Variants in NIPSNAP3B observed in about 807,000 individuals in gnomAD.
NIPSNAP3B encodes nipsnap homolog 3B.
A neutral mutation model predicts 31.5 loss-of-function variants in NIPSNAP3B; 30 were observed. That is an observed-to-expected ratio of 0.95 (90% CI 0.71 to 1.29). The LOEUF is 1.29. Among genes scored for constraint, NIPSNAP3B ranks in the 50% most tolerant of loss-of-function variants. The pLI, the probability that NIPSNAP3B is intolerant of heterozygous loss-of-function variation, is 0.00. For synonymous variants in NIPSNAP3B, 106 were observed against 107.9 expected (o/e 0.98, Z 0.11); for missense variants, 269 against 300.7 (o/e 0.89, Z 0.78).
chr9:104,778,874 T>C (rs572390806), downstream of NIPSNAP3B, among the ~76,000 whole-genome samples: 1 of 152,314 alleles, frequency 6.6e-6, no homozygotes, highest in South Asian at 2.1e-4. Flanking sequence ...CAGTGGCTCC[T>C]TGTTGCACTA....
Position 104,776,819 on chromosome 9 carries a change from T to C in NIPSNAP3B, c.*3746T>C, listed in dbSNP as rs1376422778. Among the ~76,000 whole-genome samples, 1 of 152,246 alleles carries C rather than the reference T, an allele frequency of 6.6e-6. No individual in the cohort carries two copies. The highest frequency in any genetic ancestry group is 1.5e-5 in the Non-Finnish European group (1 of 68,044). ...GTTTTTGTTTTCATTATTGTCATATTACCTGTGCCTGGCATGTGATAAGCC... is the reference window on the plus strand; with the variant it reads ...GTTTTTGTTTTCATTATTGTCATATCACCTGTGCCTGGCATGTGATAAGCC... On this transcript the variant is annotated 3_prime_UTR_variant, in exon 6 of 6. Transcript: ENST00000374762.
rs1461184283 is a variant in NIPSNAP3B, at chr9:104,772,870, G to A, written c.629G>A (p.Arg210Lys). The change falls in exon 5 of 6, where the codon AGA (arginine) becomes AAA (lysine). Residue 210 changes from arginine (R) to lysine (K), a missense_variant. Physicochemically the swap from Arg to Lys is conservative, Grantham distance 26. Transcript: ENST00000374762. ...AGTGCAGATAGTCGTGCAGCTGGGA[G>A]ACATAAGTCCCATGAGGATCCCAGA... ...NESADSRAAG[R>K]HKSHEDPRVV... The A allele has an allele frequency of 2.5e-6, 4 of 1,613,686 alleles. No individual in the cohort carries two copies. The highest frequency in any genetic ancestry group is 2.2e-5 in the South Asian group (2 of 90,998).
chr9:104,776,231 C>G lies in NIPSNAP3B; in HGVS notation c.*3158C>G, dbSNP rs1054843052. Among the ~76,000 whole-genome samples the G allele has an allele frequency of 1.3e-5, 2 of 152,174 alleles. No homozygotes were observed. Among genetic ancestry groups the G allele is most frequent in the Non-Finnish European group, 2.9e-5 (2 of 68,036 alleles). On this transcript the variant is annotated 3_prime_UTR_variant, in exon 6 of 6. Transcript: ENST00000374762. ...ACATGCTCTTACCTGAGGGTCCATT[C>G]CCACTGCCTCTGCCTGGAATGCTCT...
chr9:104,772,644 A>AACTT (rs1405658962), intron 4 of NIPSNAP3B, among the ~76,000 whole-genome samples, 178 bp from the exon 5 acceptor site: 3 of 152,150 alleles, frequency 2.0e-5, no homozygotes, highest in Non-Finnish European at 4.4e-5. Context: ...TTTCCAGTTT[A>AACTT]ACTTATAAAT....
intron 4 of NIPSNAP3B, 46 bp downstream of exon 4, chr9:104,771,044 C>A (rs200326085): frequency 6.6e-7 from 1 of 1,516,820 alleles, no homozygotes; most frequent in African/African-American, 1.4e-5. Flanking sequence ...TGTATTAGAT[C>A]AGTTCGTCTC....
chr9:104,775,829 C>G lies in NIPSNAP3B; in HGVS notation c.*2756C>G, dbSNP rs1828324182. ...GACTTCAGAGTCATTCTCACACTGC[C>G]TTTTCTCTCATACACCATTATGTAC... is the stretch of plus-strand genomic sequence containing the variant. On this transcript the variant is annotated 3_prime_UTR_variant, in exon 6 of 6. Coordinates refer to ENST00000374762, the MANE Select transcript of NIPSNAP3B (RefSeq NM_018376.4). Among the ~76,000 whole-genome samples the G allele has an allele frequency of 6.6e-6, 1 of 152,166 alleles. No homozygotes were observed. The highest frequency in any genetic ancestry group is 1.9e-4 in the East Asian group (1 of 5,192).
chr9:104,790,380 T>A, the NIPSNAP3B span, among the ~76,000 whole-genome samples: 1 of 152,196 alleles, frequency 6.6e-6, no homozygotes, highest in Non-Finnish European at 1.5e-5. Flanking sequence ...ATAAGGAATT[T>A]ATTAAATAAA....
chr9:104,785,969 T>A, the NIPSNAP3B span, among the ~76,000 whole-genome samples: 15,019 of 152,164 alleles, frequency 0.099, 987 homozygotes, highest in East Asian at 0.26. Context: ...GCAAACCCAT[T>A]TGTGTTTGAC....
chr9:104,783,975 A>C, the NIPSNAP3B span: 1 of 222,236 alleles, frequency 4.5e-6, no homozygotes, highest in Non-Finnish European at 9.0e-6. Context: ...TTGCAACCCC[A>C]ATGAGAATAC....
At chr9:104,771,101 A>G in intron 4 of NIPSNAP3B, 103 bp downstream of exon 4, 1 of 1,071,350 alleles carries the variant, frequency 9.3e-7, no homozygotes. Flanking sequence ...CCAAATTTTT[A>G]GAGTTTGTTG....
Position 104,772,979 on chromosome 9 carries a change from T to C in NIPSNAP3B, c.668-18T>C, listed in dbSNP as rs756892647. On this transcript the variant is annotated intron_variant, in intron 5 of 5. Transcript: ENST00000374762. ...TTCAACCAATAACTGTATGCCTTCTTATGAAATGTTTTTCCAGTTCGGGAA... is the reference window on the plus strand; with the variant it reads ...TTCAACCAATAACTGTATGCCTTCTCATGAAATGTTTTTCCAGTTCGGGAA... 6.2e-7 allele frequency: 1 copy of C among 1,614,116 alleles called. No homozygotes were observed. Among genetic ancestry groups the C allele is most frequent in the Admixed American group, 1.7e-5 (1 of 60,024 alleles).
intron 4 of NIPSNAP3B, among the ~76,000 whole-genome samples, chr9:104,772,591 T>C (rs1168727015): frequency 6.6e-6 from 1 of 152,188 alleles, no homozygotes; most frequent in Non-Finnish European, 1.5e-5. Context: ...GTCTTAATTG[T>C]GCCTTAAGCT....
chr9:104,784,319 A>G, the NIPSNAP3B span: 2 of 1,614,008 alleles, frequency 1.2e-6, no homozygotes, highest in African/African-American at 1.3e-5. Context: ...GATTCTTCAT[A>G]CATAGCTTTC....
intron 1 of NIPSNAP3B, among the ~76,000 whole-genome samples, chr9:104,764,630 C>T (rs778923652): frequency 2.8e-4 from 43 of 152,210 alleles, no homozygotes; most frequent in Non-Finnish European, 5.1e-4. Flanking sequence ...ACCTCCGCCT[C>T]CCGGGTTCAA....
chr9:104,787,972 C>T, the NIPSNAP3B span: 11 of 1,614,068 alleles, frequency 6.8e-6, no homozygotes, highest in South Asian at 1.1e-5. Context: ...AGAGAGCTTG[C>T]GTTTGTTGCC....
intron 5 of NIPSNAP3B, 39 bp from the exon 6 acceptor site, chr9:104,772,958 A>G: frequency 6.2e-7 from 1 of 1,614,058 alleles, no homozygotes; most frequent in South Asian, 1.1e-5. Context: ...ATGTGATTCA[A>G]CCAATAACTG....
rs1305508084 is a variant in NIPSNAP3B at position 104,774,003 on chromosome 9, T to A, written c.*930T>A. 1 of 152,208 alleles carries A rather than the reference T, an allele frequency of 6.6e-6. No homozygotes were observed. Among genetic ancestry groups the A allele is most frequent in the Non-Finnish European group, 1.5e-5 (1 of 68,030 alleles). The allele number at this position is 152,208 out of a possible 1,614,324, so 9.4% of individuals were successfully genotyped here. ...AACCTGAGAAGGAAGGTTTCTTTAGTACTGCCACAGATGTCCTGGAGTTTT... is the reference window on the plus strand; with the variant it reads ...AACCTGAGAAGGAAGGTTTCTTTAGAACTGCCACAGATGTCCTGGAGTTTT... On this transcript the variant is annotated 3_prime_UTR_variant, in exon 6 of 6. Transcript: ENST00000374762.
the NIPSNAP3B span, chr9:104,783,126 G>A: frequency 3.3e-5 from 5 of 152,174 alleles, no homozygotes; most frequent in Admixed American, 6.5e-5. Context: ...TTGCTTTCTA[G>A]GCACTAGTCA....
chr9:104,785,168 T>A, the NIPSNAP3B span, among the ~76,000 whole-genome samples: 4 of 152,192 alleles, frequency 2.6e-5, no homozygotes, highest in Admixed American at 6.5e-5. Flanking sequence ...AATGGTAGTT[T>A]TTATGGTTAT....
Sources: allele counts gnomAD v4.1 joint callset (sites outside exome capture counted in the v4.1 genomes callset), GRCh38; gene constraint gnomAD v4.1.1; transcripts MANE v1.5; gene names NCBI Gene and HGNC (gene_info 2026-07-23, HGNC 2026-07-21).